The following DPP10 variants were observed in gnomAD, a reference collection of about 807,000 sequenced individuals.
The protein encoded by DPP10 is dipeptidyl peptidase like 10, also known as inactive dipeptidyl peptidase 10.
In DPP10, 33 loss-of-function variants were observed where a neutral mutation model predicts 120.9. That is an observed-to-expected ratio of 0.27 (90% confidence interval 0.21 to 0.37). The LOEUF is 0.37. DPP10 is among the 10% of genes least tolerant of loss of function. DPP10 has a pLI of 1.00. For missense variants in DPP10, 816 were observed against 942.8 expected, an observed-to-expected ratio of 0.87 and a Z score of 1.76; for synonymous variants, 337 against 326.1, an observed-to-expected ratio of 1.03 and a Z score of -0.36.
chr2:115,541,946 C>A (rs1443927192), intron 5 of DPP10, among the ~76,000 whole-genome samples: 1 of 151,902 alleles, frequency 6.6e-6, no homozygotes, highest in Non-Finnish European at 1.5e-5. Flanking sequence ...CACAAATTTG[C>A]AAATGAGTAT....
intron 1 of DPP10, among the ~76,000 whole-genome samples, chr2:114,443,877 G>T (rs1204022699): frequency 1.3e-5 from 2 of 151,964 alleles, no homozygotes; most frequent in Non-Finnish European, 2.9e-5. Context: ...ATATTGCATA[G>T]ACTGTAATTA....
chr2:115,814,779 G>A lies in DPP10; in HGVS notation c.1701-14G>A. The A allele has an allele frequency of 6.6e-7, 1 of 1,512,346 alleles. No individual in the cohort carries two copies. The highest frequency in any genetic ancestry group is 9.0e-7 in the Non-Finnish European group (1 of 1,114,136). The allele number at this position is 1,512,346 out of a possible 1,614,324, so 93.7% of individuals were successfully genotyped here. ...AGTTGCTCTTGTTTTGGTCCAATAT[G>A]TTGGTATTTGCAGGGATGAAGAACC... On this transcript the variant is annotated splice_polypyrimidine_tract_variant and intron_variant, in intron 19 of 25. Transcript: ENST00000410059.
intron 5 of DPP10, among the ~76,000 whole-genome samples, chr2:115,641,754 G>A (rs1461022751): frequency 6.6e-6 from 1 of 151,076 alleles, no homozygotes; most frequent in Non-Finnish European, 1.5e-5. Context: ...TAAATGGAAG[G>A]AATTCAATTA....
intron 17 of DPP10, among the ~76,000 whole-genome samples, chr2:115,789,019 G>A (rs1044897810): frequency 2.6e-5 from 4 of 152,066 alleles, no homozygotes; most frequent in African/African-American, 9.7e-5. Context: ...TCAGGAGGCT[G>A]AGGCAGGAGA....
chr2:115,437,406 C>T (rs1342392060), intron 3 of DPP10, among the ~76,000 whole-genome samples: 1 of 151,996 alleles, frequency 6.6e-6, no homozygotes, highest in South Asian at 2.1e-4. Flanking sequence ...CATCTCATGC[C>T]ATTCAAATCA....
chr2:115,304,629 C>T (rs1034127632), intron 1 of DPP10, among the ~76,000 whole-genome samples: 3 of 151,972 alleles, frequency 2.0e-5, no homozygotes, highest in African/African-American at 4.8e-5. Flanking sequence ...TTTCAGAATA[C>T]ATATGGCAGA....
chr2:115,056,610 A>C (rs555571337), intron 1 of DPP10, among the ~76,000 whole-genome samples: 1 of 152,152 alleles, frequency 6.6e-6, no homozygotes, highest in African/African-American at 2.4e-5. Context: ...CCTCTAATTT[A>C]AACCCCCAAA....
At chr2:115,422,413 C>T (rs2070059774) in intron 3 of DPP10, among the ~76,000 whole-genome samples, 1 of 152,120 alleles carries the variant, frequency 6.6e-6, no homozygotes, top group African/African-American at 2.4e-5. Flanking sequence ...GTCTGTGTGG[C>T]TATGCCAGTA....
At chr2:114,569,357 T>A (rs1337295272) in intron 1 of DPP10, among the ~76,000 whole-genome samples, 1 of 152,148 alleles carries the variant, frequency 6.6e-6, no homozygotes, top group Non-Finnish European at 1.5e-5. Context: ...AAATCTGGAG[T>A]GAGTGCATGT....
At chr2:114,686,206 T>C (rs958661671) in intron 1 of DPP10, among the ~76,000 whole-genome samples, 1 of 151,976 alleles carries the variant, frequency 6.6e-6, no homozygotes, top group Non-Finnish European at 1.5e-5. Context: ...CTAAAACTTC[T>C]GAGCTAAGTG....
rs530738572 is a variant in DPP10 at position 114,779,811 on chromosome 2, CA to C, written c.60+336978del. Reference sequence around the variant, plus strand: ...CTGTGATCATGTTTATCAAAAATTCCAAAAACATTTTCTCATGAGGATAACA... The same window carrying C: ...CTGTGATCATGTTTATCAAAAATTCCAAAACATTTTCTCATGAGGATAACA... On this transcript the variant is annotated intron_variant, in intron 1 of 25. Transcript: ENST00000410059. 1.7e-4 allele frequency among the ~76,000 whole-genome samples: 26 copies of C among 152,196 alleles called. No homozygotes were observed. The East Asian group carries it at 4.8e-3, about 28-fold the overall frequency.
chr2:115,815,101 T>C, intron 20 of DPP10, 114 bp downstream of exon 20: 1 of 1,078,836 alleles, frequency 9.3e-7, no homozygotes, highest in South Asian at 3.1e-5. Context: ...TTGAGCAATT[T>C]TGTAAGTTAA....
intron 3 of DPP10, among the ~76,000 whole-genome samples, chr2:115,451,279 G>A (rs960720600): frequency 1.6e-4 from 25 of 151,972 alleles, no homozygotes; most frequent in African/African-American, 5.8e-4. Flanking sequence ...GATGTGAAAG[G>A]TGAAAGGGTA....
chr2:115,422,900 A>G (rs2070110693), intron 3 of DPP10, among the ~76,000 whole-genome samples: 1 of 152,108 alleles, frequency 6.6e-6, no homozygotes, highest in Non-Finnish European at 1.5e-5. Flanking sequence ...CCCTCAGTGA[A>G]ATGAAATCCC....
intron 1 of DPP10, among the ~76,000 whole-genome samples, chr2:114,933,035 T>C (rs1448013572): frequency 6.6e-6 from 1 of 152,192 alleles, no homozygotes; most frequent in Non-Finnish European, 1.5e-5. Flanking sequence ...ACACACCTAC[T>C]TCTTGAAGTT....
intron 1 of DPP10, among the ~76,000 whole-genome samples, chr2:114,456,366 A>C (rs895183134): frequency 1.3e-5 from 2 of 152,254 alleles, no homozygotes; most frequent in African/African-American, 4.8e-5. Context: ...TTTTAAGTCC[A>C]TTTGGACTAG....
chr2:115,473,197 G>A (rs893983784), intron 3 of DPP10, among the ~76,000 whole-genome samples: 2 of 152,054 alleles, frequency 1.3e-5, no homozygotes, highest in African/African-American at 2.4e-5. Context: ...ATTATGAATG[G>A]GATCATGCCT....
At chr2:115,088,858 A>G (rs1709000783) in intron 1 of DPP10, among the ~76,000 whole-genome samples, 1 of 151,962 alleles carries the variant, frequency 6.6e-6, no homozygotes, top group Admixed American at 6.6e-5. Context: ...TCCACTGAGA[A>G]ATTAGGAAAA....
At chr2:115,799,341 G>A (rs912006663) in intron 19 of DPP10, among the ~76,000 whole-genome samples, 3 of 151,708 alleles carry the variant, frequency 2.0e-5, no homozygotes, top group Non-Finnish European at 4.4e-5. Flanking sequence ...TTAATGTATA[G>A]GTTATATATA....
Sources: allele counts gnomAD v4.1 joint callset (sites outside exome capture counted in the v4.1 genomes callset), GRCh38; gene constraint gnomAD v4.1.1; transcripts MANE v1.5; gene names NCBI Gene and HGNC (gene_info 2026-07-23, HGNC 2026-07-21).